TMCC1: variants seen among roughly 807,000 people sequenced by gnomAD.
TMCC1 encodes the protein transmembrane and coiled-coil domain family 1, also known as transmembrane and coiled-coil domains protein 1.
A neutral mutation model predicts 52.4 loss-of-function variants in TMCC1; 15 were observed. The ratio of observed to expected loss-of-function variants is 0.29; its 90% CI spans 0.19 to 0.44. TMCC1 has a LOEUF of 0.44. Among genes scored for constraint, TMCC1 ranks in the 20% least tolerant of loss-of-function variants. The pLI, the probability that TMCC1 is intolerant of heterozygous loss-of-function variation, is 1.00. For missense variants in TMCC1, 503 were observed against 806.0 expected (o/e 0.62, Z 4.55); for synonymous variants, 279 against 301.9 (o/e 0.92, Z 0.79).
rs112309633 is a variant in TMCC1, at chr3:129,746,320, G to A, written c.577-75056C>T. 4.8e-3 allele frequency among the ~76,000 whole-genome samples: 722 copies of A among 149,136 alleles called. 8 individuals carry two copies. The highest frequency in any genetic ancestry group is 0.016 in the African/African-American group (674 of 41,104). ...TGAGTAGTTGGGACTACAGGCGTGC[G>A]CCACCACGCCCAATTCATTTTTGTA... On this transcript the variant is annotated intron_variant, in intron 4 of 6. Transcript: ENST00000393238.
At chr3:129,756,276 C>T (rs2053004075) in intron 4 of TMCC1, among the ~76,000 whole-genome samples, 5 of 152,110 alleles carry the variant, frequency 3.3e-5, no homozygotes, top group Admixed American at 2.6e-4. Context: ...TCACTAAATA[C>T]TGGAAGCAAT....
At chr3:129,677,853 C>T (rs958497298) in intron 4 of TMCC1, among the ~76,000 whole-genome samples, 1 of 152,232 alleles carries the variant, frequency 6.6e-6, no homozygotes, top group African/African-American at 2.4e-5. Flanking sequence ...CACTAGCTCA[C>T]ACTTCCCTTA....
chr3:129,833,196 T>C (rs993659156), intron 2 of TMCC1, among the ~76,000 whole-genome samples: 6 of 152,188 alleles, frequency 3.9e-5, no homozygotes, highest in African/African-American at 1.2e-4. Context: ...AACAGGTACA[T>C]GAAAACACCA....
At chr3:129,790,960 A>G (rs1374781135) in intron 4 of TMCC1, among the ~76,000 whole-genome samples, 1 of 152,182 alleles carries the variant, frequency 6.6e-6, no homozygotes, top group Non-Finnish European at 1.5e-5. Flanking sequence ...CACATACTTC[A>G]GCTCTATAGG....
At chr3:129,859,150 A>G (rs1435140601) in intron 2 of TMCC1, among the ~76,000 whole-genome samples, 4 of 152,188 alleles carry the variant, frequency 2.6e-5, no homozygotes, top group Admixed American at 6.5e-5. Flanking sequence ...AAAATTCTCA[A>G]TCTAGTCCAA....
At chr3:129,884,141 G>C (rs2061587182) in intron 1 of TMCC1, among the ~76,000 whole-genome samples, 1 of 151,992 alleles carries the variant, frequency 6.6e-6, no homozygotes, top group African/African-American at 2.4e-5. Flanking sequence ...TGCACTACAA[G>C]AAACATTAGA....
intron 4 of TMCC1, among the ~76,000 whole-genome samples, chr3:129,772,583 TGTGG>T (rs2054680000): frequency 6.7e-6 from 1 of 149,394 alleles, no homozygotes; most frequent in African/African-American, 2.5e-5. Flanking sequence ...ATTAGCTGGG[TGTGG>T]TGGCGGGCAC....
chr3:129,811,475 C>T (rs1019210515), intron 4 of TMCC1, among the ~76,000 whole-genome samples: 5 of 151,846 alleles, frequency 3.3e-5, no homozygotes, highest in Non-Finnish European at 5.9e-5. Flanking sequence ...CACTGTGTTG[C>T]CCAGGCTGGT....
At chr3:129,696,369 C>T (rs1351510169) in intron 4 of TMCC1, among the ~76,000 whole-genome samples, 1 of 152,162 alleles carries the variant, frequency 6.6e-6, no homozygotes, top group East Asian at 1.9e-4. Flanking sequence ...CTTTGTGGAC[C>T]AAACCAATGT....
chr3:129,768,239 G>A (rs1170534433), intron 4 of TMCC1, among the ~76,000 whole-genome samples: 7 of 152,020 alleles, frequency 4.6e-5, no homozygotes, highest in Non-Finnish European at 7.4e-5. Context: ...GTTTGCTTTC[G>A]GTATGTTATA....
At chr3:129,658,204 C>T (rs2086793217) in intron 5 of TMCC1, among the ~76,000 whole-genome samples, 1 of 152,216 alleles carries the variant, frequency 6.6e-6, no homozygotes, top group African/African-American at 2.4e-5. Context: ...TTGCTTTTCA[C>T]TACATGTATG....
chr3:129,759,895 G>C (rs1371578382), intron 4 of TMCC1, among the ~76,000 whole-genome samples: 1 of 150,734 alleles, frequency 6.6e-6, no homozygotes, highest in Non-Finnish European at 1.5e-5. Context: ...CTAATTTTTT[G>C]TATTTTTAGT....
At chr3:129,657,640 C>T (rs6791195) in intron 5 of TMCC1, among the ~76,000 whole-genome samples, 7,088 of 152,214 alleles carry the variant, frequency 0.047, 641 homozygotes, top group East Asian at 0.4. Context: ...AATCACTTAG[C>T]AAAAGTGAGC....
At chr3:129,763,214 ATAAAT>A (rs1168661391) in intron 4 of TMCC1, among the ~76,000 whole-genome samples, 7 of 103,582 alleles carry the variant, frequency 6.8e-5, no homozygotes, top group East Asian at 2.1e-4. Context: ...TAAAAAATAA[ATAAAT>A]AAATAAATAA....
intron 4 of TMCC1, among the ~76,000 whole-genome samples, chr3:129,803,729 C>A (rs2057315319): frequency 6.6e-6 from 1 of 151,994 alleles, no homozygotes; most frequent in African/African-American, 2.4e-5. Flanking sequence ...TGCCAAGAAT[C>A]CTTATAAATG....
intron 2 of TMCC1, among the ~76,000 whole-genome samples, chr3:129,846,452 C>G (rs2059668921): frequency 6.6e-6 from 1 of 152,224 alleles, no homozygotes; most frequent in Admixed American, 6.5e-5. Context: ...GAAGGTAACA[C>G]ATACTTTATG....
chr3:129,663,851 A>G (rs909099666), intron 5 of TMCC1, among the ~76,000 whole-genome samples: 1 of 152,162 alleles, frequency 6.6e-6, no homozygotes, highest in African/African-American at 2.4e-5. Context: ...TAAACCAAAC[A>G]TCACACTAGG....
chr3:129,862,245 C>A (rs2107934594), intron 2 of TMCC1, among the ~76,000 whole-genome samples: 1 of 152,168 alleles, frequency 6.6e-6, no homozygotes, highest in South Asian at 2.1e-4. Context: ...TCAATGGGTA[C>A]AGAGTTTCTT....
intron 4 of TMCC1, among the ~76,000 whole-genome samples, chr3:129,796,025 A>T (rs1374477616): frequency 6.6e-6 from 1 of 152,244 alleles, no homozygotes; most frequent in Non-Finnish European, 1.5e-5. Context: ...ACTTTATCAC[A>T]GATATGTGTA....
Sources: gnomAD v4.1 joint callset for allele counts (sites outside exome capture counted in the v4.1 genomes callset) on GRCh38, gnomAD v4.1.1 for gene constraint, MANE v1.5 for transcripts, NCBI Gene and HGNC (gene_info 2026-07-23, HGNC 2026-07-21) for gene names.